SLC20A2: variants seen among roughly 807,000 people sequenced by gnomAD.
The protein encoded by SLC20A2 is sodium-dependent phosphate transporter 2.
A neutral mutation model predicts 61.0 loss-of-function variants in SLC20A2; 30 were observed. The ratio of observed to expected loss-of-function variants is 0.49; its 90% CI spans 0.37 to 0.67. The LOEUF (loss-of-function observed/expected upper bound fraction) is 0.67. Among genes scored for constraint, SLC20A2 ranks in the 30% least tolerant of loss-of-function variants. The pLI is 0.00. For synonymous variants in SLC20A2, 351 were observed against 353.3 expected, an observed-to-expected ratio of 0.99 and a Z score of 0.07; for missense variants, 626 against 866.4, an observed-to-expected ratio of 0.72 and a Z score of 3.48.
chr8:42,519,962 T>C (rs890539805), intron 1 of SLC20A2, among the ~76,000 whole-genome samples: 2 of 151,806 alleles, frequency 1.3e-5, no homozygotes, highest in Non-Finnish European at 2.9e-5. Flanking sequence ...TTGCCGGACA[T>C]TAGTCAATTA....
At chr8:42,512,840 C>G (rs1278065174) in intron 1 of SLC20A2, among the ~76,000 whole-genome samples, 1 of 152,192 alleles carries the variant, frequency 6.6e-6, no homozygotes, top group Admixed American at 6.5e-5. Flanking sequence ...ACTATGCATT[C>G]CCAAATCACA....
intron 8 of SLC20A2, among the ~76,000 whole-genome samples, chr8:42,433,868 T>C (rs1008553631): frequency 6.6e-6 from 1 of 152,220 alleles, no homozygotes. Context: ...TCTGTATGTA[T>C]ACCCGGAAGC....
At chr8:42,533,108 T>C (rs1378392566) in intron 1 of SLC20A2, among the ~76,000 whole-genome samples, 2 of 152,220 alleles carry the variant, frequency 1.3e-5, no homozygotes, top group Non-Finnish European at 2.9e-5. Flanking sequence ...AAATGATGTA[T>C]GGAATTTTGC....
At chr8:42,515,185 C>T (rs1049668161) in intron 1 of SLC20A2, among the ~76,000 whole-genome samples, 8 of 152,074 alleles carry the variant, frequency 5.3e-5, no homozygotes, top group East Asian at 1.9e-4. Flanking sequence ...AGATAAGTAG[C>T]GGGGCAGGAA....
In SLC20A2 at chr8:42,515,041, G is replaced by A. The variant is rs185388758; in HGVS notation, c.-265+26780C>T. Among the ~76,000 whole-genome samples the A allele has an allele frequency of 2.6e-4, 40 of 152,314 alleles. 1 individual carries two copies. The East Asian group carries it at 6.4e-3, about 24-fold the overall frequency. ...ACTGTGCACCTAAGTGTCAGGAACC[G>A]TACTAAGCACTTAACATGTATTGAT... On this transcript the variant is annotated intron_variant, in intron 1 of 10. Coordinates refer to the SLC20A2 transcript ENST00000342228.
chr8:42,468,335 T>C (rs184437788), intron 2 of SLC20A2, among the ~76,000 whole-genome samples: 1 of 152,202 alleles, frequency 6.6e-6, no homozygotes, highest in East Asian at 1.9e-4. Context: ...AAATACATCC[T>C]GGAGGAGGAG....
intron 5 of SLC20A2, among the ~76,000 whole-genome samples, chr8:42,454,281 C>T (rs1231494162): frequency 1.3e-5 from 2 of 152,182 alleles, no homozygotes; most frequent in African/African-American, 4.8e-5. Flanking sequence ...AGATTACAGG[C>T]GTGAGCCACC....
At chr8:42,447,295 A>C (rs996140777) in intron 5 of SLC20A2, among the ~76,000 whole-genome samples, 11 of 151,770 alleles carry the variant, frequency 7.2e-5, no homozygotes, top group Admixed American at 7.2e-4. Flanking sequence ...GCAGTGAGCT[A>C]TGATAGCGCC....
At chr8:42,418,794 G>C (rs1381369817) in intron 10 of SLC20A2, among the ~76,000 whole-genome samples, 1 of 151,688 alleles carries the variant, frequency 6.6e-6, no homozygotes, top group Non-Finnish European at 1.5e-5. Context: ...GTCAGGAGAT[G>C]GAGACCATCC....
intron 1 of SLC20A2, among the ~76,000 whole-genome samples, chr8:42,508,754 A>G (rs537153671): frequency 6.6e-6 from 1 of 152,318 alleles, no homozygotes; most frequent in Admixed American, 6.5e-5. Flanking sequence ...TAGAAAGAAC[A>G]CTATACAGAA....
chr8:42,536,843 G>A (rs1376193561), intron 1 of SLC20A2, among the ~76,000 whole-genome samples: 1 of 152,108 alleles, frequency 6.6e-6, no homozygotes, highest in African/African-American at 2.4e-5. Context: ...GGAGGCCAAG[G>A]TGGGTGGATC....
chr8:42,461,035 C>G (rs1277972276), intron 4 of SLC20A2, among the ~76,000 whole-genome samples: 1 of 152,202 alleles, frequency 6.6e-6, no homozygotes, highest in Non-Finnish European at 1.5e-5. Context: ...AACAGTACAG[C>G]CCATCAAGGA....
intron 10 of SLC20A2, among the ~76,000 whole-genome samples, chr8:42,423,878 T>G (rs1352781609): frequency 1.3e-5 from 2 of 152,236 alleles, no homozygotes; most frequent in African/African-American, 4.8e-5. Flanking sequence ...AAGGCCATCA[T>G]CAGGTACTTA....
intron 6 of SLC20A2, among the ~76,000 whole-genome samples, chr8:42,443,654 C>T (rs940731456): frequency 2.0e-5 from 3 of 151,876 alleles, no homozygotes; most frequent in African/African-American, 7.3e-5. Flanking sequence ...TTTAAGCATC[C>T]AGGTTATGAC....
At chr8:42,531,044 C>T (rs866543000) in intron 1 of SLC20A2, among the ~76,000 whole-genome samples, 11 of 152,262 alleles carry the variant, frequency 7.2e-5, no homozygotes, top group Middle Eastern at 6.8e-3. Flanking sequence ...AATCAGTTCT[C>T]CTGTAATAGC....
At chr8:42,536,604 T>A (rs1356141483) in intron 1 of SLC20A2, 2 of 152,256 alleles carry the variant, frequency 1.3e-5, no homozygotes, top group East Asian at 1.9e-4. Context: ...CTGAAATTTA[T>A]AGGCCCTCAT....
At chr8:42,440,042 G>A (rs1313024591) in intron 6 of SLC20A2, among the ~76,000 whole-genome samples, 7 of 151,456 alleles carry the variant, frequency 4.6e-5, no homozygotes, top group Non-Finnish European at 7.4e-5. Flanking sequence ...CCAAGACTGC[G>A]CCACTGCGCT....
intron 1 of SLC20A2, among the ~76,000 whole-genome samples, chr8:42,530,350 T>A (rs1222931579): frequency 6.6e-6 from 1 of 152,214 alleles, no homozygotes; most frequent in Non-Finnish European, 1.5e-5. Flanking sequence ...AAAACAGATA[T>A]TATTCAGGAA....
At chr8:42,470,400 G>C (rs778375615) in intron 2 of SLC20A2, among the ~76,000 whole-genome samples, 3 of 151,260 alleles carry the variant, frequency 2.0e-5, no homozygotes, top group Non-Finnish European at 4.4e-5. Flanking sequence ...TAGTTTTTTT[G>C]TACAGACAGG....
Sources: allele counts gnomAD v4.1 joint callset (sites outside exome capture counted in the v4.1 genomes callset), GRCh38; gene constraint gnomAD v4.1.1; transcripts MANE v1.5; gene names NCBI Gene and HGNC (gene_info 2026-07-23, HGNC 2026-07-21).